Variants in NUCB2 observed in about 807,000 individuals in gnomAD.
NUCB2 encodes nucleobindin 2, also known as nucleobindin-2.
NUCB2 carries 48 observed loss-of-function variants against 57.9 expected under a neutral mutation model. The observed-to-expected ratio is 0.83, with a 90% CI of 0.66 to 1.05. The LOEUF is 1.05. NUCB2 is among the 50% of genes least tolerant of loss of function. NUCB2 has a pLI of 0.00. For missense variants in NUCB2, 442 were observed against 476.2 expected (o/e 0.93, Z 0.67); for synonymous variants, 139 against 152.1 (o/e 0.91, Z 0.64).
chr11:17,287,193 G>T (rs776650112), intron 2 of NUCB2, among the ~76,000 whole-genome samples: 4 of 151,826 alleles, frequency 2.6e-5, no homozygotes, highest in African/African-American at 9.7e-5. Context: ...ATATCACCAC[G>T]CATGGTGGCT....
intron 2 of NUCB2, among the ~76,000 whole-genome samples, chr11:17,290,190 T>G (rs1360543305): frequency 1.3e-5 from 2 of 152,236 alleles, no homozygotes; most frequent in Non-Finnish European, 2.9e-5. Flanking sequence ...AAGTATTTGC[T>G]TCACTAACAT....
chr11:17,327,672 A>T (rs1264964694), intron 11 of NUCB2, among the ~76,000 whole-genome samples: 1 of 152,044 alleles, frequency 6.6e-6, no homozygotes, highest in Non-Finnish European at 1.5e-5. Context: ...CAAGCTCAGT[A>T]ATTCTTTCTT....
chr11:17,287,060 A>T (rs1943867065), intron 2 of NUCB2, among the ~76,000 whole-genome samples: 1 of 152,184 alleles, frequency 6.6e-6, no homozygotes, highest in African/African-American at 2.4e-5. Context: ...CATCAATCAA[A>T]AATAAATTTA....
chr11:17,336,656 G>T (rs993777161), downstream of NUCB2, among the ~76,000 whole-genome samples: 2 of 149,878 alleles, frequency 1.3e-5, no homozygotes, highest in African/African-American at 4.9e-5. Context: ...CGGGAGGCTG[G>T]GGCAGGTGAA....
intron 2 of NUCB2, among the ~76,000 whole-genome samples, chr11:17,341,534 G>T (rs1188927338): frequency 1.3e-5 from 2 of 152,154 alleles, no homozygotes; most frequent in Non-Finnish European, 2.9e-5. Flanking sequence ...AAGTGTTGTT[G>T]AATTTTGTCA....
rs2051771 is a variant in NUCB2 at position 17,287,174 on chromosome 11, T to A, written c.-1+4231T>A. ...AAACCACAACTCTACCAAAAAAAAA[T>A]ATATATATATATCACCACGCATGGT... On this transcript the variant is annotated intron_variant, in intron 2 of 13. Transcript: ENST00000529010. Among the ~76,000 whole-genome samples the A allele has an allele frequency of 5.4e-3, 819 of 151,216 alleles. 4 individuals carry two copies. The highest frequency in any genetic ancestry group is 9.2e-3 in the South Asian group (44 of 4,786).
intron 11 of NUCB2, among the ~76,000 whole-genome samples, chr11:17,316,027 C>T (rs750287995): frequency 6.6e-6 from 1 of 152,004 alleles, no homozygotes; most frequent in Non-Finnish European, 1.5e-5. Flanking sequence ...GGCTGGAGTG[C>T]AGTAGCGCGA....
chr11:17,298,778 T>C (rs1946248364), intron 4 of NUCB2, among the ~76,000 whole-genome samples: 1 of 151,884 alleles, frequency 6.6e-6, no homozygotes, highest in Non-Finnish European at 1.5e-5. Context: ...GGCTCACTGC[T>C]ACCTCTGCCT....
intron 5 of NUCB2, among the ~76,000 whole-genome samples, chr11:17,308,737 A>G (rs930197070): frequency 2.6e-5 from 4 of 152,208 alleles, no homozygotes; most frequent in African/African-American, 9.7e-5. Flanking sequence ...CTTGTTTTTT[A>G]AACGTTAAAA....
Position 17,331,423 on chromosome 11 carries a change from C to T in NUCB2, c.*4C>T. 1.4e-6 allele frequency: 2 copies of T among 1,437,946 alleles called. No homozygotes were observed. The highest frequency in any genetic ancestry group is 1.5e-5 in the African/African-American group (1 of 68,330). 89.1% of individuals were successfully genotyped at this position (1,437,946 alleles called of 1,614,324 possible). A position where few individuals can be genotyped will look rare whatever the true frequency, so the allele number is the denominator to read the frequency against. On this transcript the variant is annotated 3_prime_UTR_variant, in exon 14 of 14. Coordinates refer to ENST00000529010, the MANE Select transcript of NUCB2 (RefSeq NM_005013.4). ...CTTTTTTCCAACAGACATTTAAAGT[C>T]TGAAGTCCACCAGAACTTGGAAGAA...
chr11:17,348,932 A>G (rs1353556941), intron 2 of NUCB2, among the ~76,000 whole-genome samples: 1 of 152,090 alleles, frequency 6.6e-6, no homozygotes, highest in African/African-American at 2.4e-5. Flanking sequence ...GGCGTCTGCC[A>G]CCACACCTGG....
At chr11:17,280,762 G>C (rs1317513355) in intron 1 of NUCB2, among the ~76,000 whole-genome samples, 1 of 152,186 alleles carries the variant, frequency 6.6e-6, no homozygotes, top group African/African-American at 2.4e-5. Context: ...CTGTAAGACC[G>C]GGCATGATGG....
chr11:17,303,322 T>G (rs1362882963), intron 5 of NUCB2, among the ~76,000 whole-genome samples: 1 of 152,174 alleles, frequency 6.6e-6, no homozygotes, highest in Non-Finnish European at 1.5e-5. Context: ...AAAATTATTA[T>G]GTCTCCAAAG....
chr11:17,314,307 C>T (rs1415534232), intron 10 of NUCB2, among the ~76,000 whole-genome samples: 1 of 152,146 alleles, frequency 6.6e-6, no homozygotes, highest in Non-Finnish European at 1.5e-5. Flanking sequence ...CATAAGTAGG[C>T]AGAGTAAGCT....
intron 1 of NUCB2, among the ~76,000 whole-genome samples, chr11:17,279,064 G>A (rs1240383897): frequency 1.3e-5 from 2 of 152,080 alleles, no homozygotes; most frequent in Non-Finnish European, 2.9e-5. Context: ...GTAGTGGCGG[G>A]CATCTGTAAT....
intron 5 of NUCB2, among the ~76,000 whole-genome samples, chr11:17,309,345 T>G (rs1948149409): frequency 6.6e-6 from 1 of 152,006 alleles, no homozygotes; most frequent in Non-Finnish European, 1.5e-5. Context: ...AGAGAATTTT[T>G]AAAAATATAC....
chr11:17,286,241 T>G (rs141131848), intron 2 of NUCB2, among the ~76,000 whole-genome samples: 132 of 152,254 alleles, frequency 8.7e-4, no homozygotes, highest in Non-Finnish European at 1.4e-3. Flanking sequence ...TTCACCATAT[T>G]GCTCAGGCTG....
intron 2 of NUCB2, among the ~76,000 whole-genome samples, chr11:17,288,880 T>TACACACACACACACAC (rs775443519): frequency 2.4e-4 from 16 of 67,530 alleles, no homozygotes; most frequent in East Asian, 9.0e-4. Context: ...ATAACATGTA[T>TACACACACACACACAC]ATACACACAC....
chr11:17,286,346 T>C (rs1295229258), intron 2 of NUCB2, among the ~76,000 whole-genome samples: 4 of 152,178 alleles, frequency 2.6e-5, no homozygotes, highest in African/African-American at 9.7e-5. Context: ...AGAATAGAAA[T>C]TTTGACTTGG....
Sources: allele counts gnomAD v4.1 joint callset (sites outside exome capture counted in the v4.1 genomes callset), GRCh38; gene constraint gnomAD v4.1.1; transcripts MANE v1.5; gene names NCBI Gene and HGNC (gene_info 2026-07-23, HGNC 2026-07-21).